ZNF438: variants seen among roughly 807,000 people sequenced by gnomAD.
ZNF438 encodes zinc finger protein 438.
ZNF438 carries 25 observed loss-of-function variants against 38.0 expected under a neutral mutation model. The ratio of observed to expected loss-of-function variants is 0.66; its 90% CI spans 0.48 to 0.92. The LOEUF (loss-of-function observed/expected upper bound fraction) is 0.92, where lower values mean the gene tolerates loss of function less well. Among genes scored for constraint, ZNF438 ranks in the 40% least tolerant of loss-of-function variants. The pLI is 0.00. For synonymous variants in ZNF438, 372 were observed against 364.1 expected (o/e 1.02, Z -0.25); for missense variants, 1,007 against 999.6 (o/e 1.01, Z -0.10).
chr10:30,885,457 AATGCTACT>A (rs1267898284), intron 3 of ZNF438, among the ~76,000 whole-genome samples: 1 of 152,198 alleles, frequency 6.6e-6, no homozygotes, highest in Non-Finnish European at 1.5e-5. Flanking sequence ...TTTTGCAACA[AATGCTACT>A]ATGTGCTAGA....
chr10:30,976,520 T>C (rs531987851), intron 1 of ZNF438, among the ~76,000 whole-genome samples: 1 of 152,278 alleles, frequency 6.6e-6, no homozygotes, highest in South Asian at 2.1e-4. Flanking sequence ...GCCAGAAGGA[T>C]CGCTTGAGGC....
At position 30,961,356 on chromosome 10, in the gene ZNF438, C is replaced by T. The variant is rs542352763; in HGVS notation, c.-191-19705G>A. On this transcript the variant is annotated intron_variant, in intron 1 of 5. Transcript: ENST00000413025. ...CTGGAGAACAGCGGCTATTCACAGGCATGATCATAGCGCACTATAGCCATG... is the reference window on the plus strand; with the variant it reads ...CTGGAGAACAGCGGCTATTCACAGGTATGATCATAGCGCACTATAGCCATG... 2.1e-5 allele frequency among the ~76,000 whole-genome samples: 3 copies of T among 145,858 alleles called. 1 individual carries two copies. The highest frequency in any genetic ancestry group is 4.7e-5 in the Non-Finnish European group (3 of 64,310).
intron 4 of ZNF438, chr10:30,857,758 A>G (rs1250953533): frequency 6.9e-7 from 1 of 1,455,642 alleles, no homozygotes; most frequent in Non-Finnish European, 9.2e-7. Flanking sequence ...CTCCTCCTCC[A>G]TTGCCATCAA....
Position 30,874,110 on chromosome 10 carries a change from GTGTGTATATATATATATATA to G in ZNF438, c.37+2868_37+2887del, listed in dbSNP as rs1226121893. On this transcript the variant is annotated intron_variant, in intron 4 of 5. Transcript: ENST00000413025. ...TACGTGTGGGTGTGTGGGGGTGTGT[GTGTGTATATATATATATATA>G]TATATATATATATATATATATATAT... Among the ~76,000 whole-genome samples the G allele has an allele frequency of 3.3e-3, 105 of 31,646 alleles. 1 individual carries two copies. Among genetic ancestry groups the G allele is most frequent in the Admixed American group, 5.1e-3 (13 of 2,562 alleles). The allele number at this position is 31,646 out of a possible 152,430, so 20.8% of individuals were successfully genotyped here.
chr10:30,893,993 A>T (rs537239657), intron 3 of ZNF438, among the ~76,000 whole-genome samples: 28 of 152,356 alleles, frequency 1.8e-4, no homozygotes, highest in African/African-American at 6.0e-4. Flanking sequence ...AACCACTCAA[A>T]TAATACTGTA....
chr10:30,925,676 T>A (rs2044830786), intron 2 of ZNF438, among the ~76,000 whole-genome samples: 1 of 152,180 alleles, frequency 6.6e-6, no homozygotes, highest in African/African-American at 2.4e-5. Flanking sequence ...CCCAATAGAA[T>A]GTCAGTGAGA....
intron 1 of ZNF438, among the ~76,000 whole-genome samples, chr10:30,951,595 T>C (rs9731134): frequency 0.4 from 60,914 of 151,926 alleles, 12,459 homozygotes; most frequent in Admixed American, 0.44. Context: ...AGCATTCTTA[T>C]ATACCAGCAA....
At chr10:30,978,903 T>C (rs1002868213) in intron 1 of ZNF438, among the ~76,000 whole-genome samples, 2 of 152,242 alleles carry the variant, frequency 1.3e-5, no homozygotes, top group African/African-American at 2.4e-5. Flanking sequence ...AAGCCAAGCA[T>C]TGACTCTCCC....
chr10:31,007,708 C>G (rs925375439), intron 1 of ZNF438, among the ~76,000 whole-genome samples: 2 of 151,946 alleles, frequency 1.3e-5, no homozygotes, highest in Non-Finnish European at 2.9e-5. Flanking sequence ...TATAAAGTAC[C>G]TAACAGAGAG....
intron 1 of ZNF438, among the ~76,000 whole-genome samples, chr10:31,010,922 A>AAGATTTT (rs1282251468): frequency 6.9e-6 from 1 of 144,452 alleles, no homozygotes; most frequent in African/African-American, 2.6e-5. Context: ...AAAAAAAAAA[A>AAGATTTT]GATTTTGTTG....
chr10:30,979,001 C>G (rs1414958382), intron 1 of ZNF438, among the ~76,000 whole-genome samples: 1 of 151,136 alleles, frequency 6.6e-6, no homozygotes, highest in Non-Finnish European at 1.5e-5. Flanking sequence ...TATGCTAGGG[C>G]CATGAATAAT....
intron 1 of ZNF438, among the ~76,000 whole-genome samples, chr10:30,956,205 C>A (rs950828180): frequency 6.6e-6 from 1 of 152,090 alleles, no homozygotes; most frequent in Non-Finnish European, 1.5e-5. Flanking sequence ...TGGTACTCTA[C>A]AGCAGTGATT....
intron 4 of ZNF438, among the ~76,000 whole-genome samples, chr10:30,854,368 A>T (rs1221588598): frequency 6.6e-6 from 1 of 152,228 alleles, no homozygotes; most frequent in Non-Finnish European, 1.5e-5. Context: ...CTTCCCTAGA[A>T]TTCCTAGAGG....
chr10:30,868,052 A>G (rs935350192), intron 4 of ZNF438, among the ~76,000 whole-genome samples: 1 of 151,104 alleles, frequency 6.6e-6, no homozygotes, highest in Non-Finnish European at 1.5e-5. Context: ...TTTTCAAAAA[A>G]CAGAGCAGTG....
intron 4 of ZNF438, among the ~76,000 whole-genome samples, chr10:30,867,673 G>A (rs1198047102): frequency 3.9e-5 from 6 of 152,098 alleles, no homozygotes; most frequent in African/African-American, 1.4e-4. Flanking sequence ...CGAGTGGGCA[G>A]GTTTGTGTGA....
intron 3 of ZNF438, among the ~76,000 whole-genome samples, chr10:30,890,083 CA>C (rs71863439): frequency 0.2 from 18,425 of 93,304 alleles, 483 homozygotes; most frequent in African/African-American, 0.24. Flanking sequence ...TTGGCATTTC[CA>C]AAAAAAAAAA....
At chr10:30,950,346 A>G (rs1174604514) in intron 1 of ZNF438, among the ~76,000 whole-genome samples, 1 of 150,380 alleles carries the variant, frequency 6.6e-6, no homozygotes, top group Non-Finnish European at 1.5e-5. Flanking sequence ...GAACTAGAAA[A>G]GCAAGAGCAA....
In ZNF438 at chr10:30,998,586, A is replaced by T. The variant is rs933766440; in HGVS notation, c.-192+33247T>A. On this transcript the variant is annotated intron_variant, in intron 1 of 5. Coordinates refer to ENST00000413025, the Ensembl canonical transcript of ZNF438. ...AAAAAAAAAAAAAAAAAAAAAAAAA[A>T]ATCAAGTATTACTAATGATAACAAT... is the stretch of plus-strand genomic sequence containing the variant. Among the ~76,000 whole-genome samples, 482 of 123,562 alleles carry T rather than the reference A, an allele frequency of 3.9e-3. 6 individuals carry two copies. The highest frequency in any genetic ancestry group is 0.014 in the African/African-American group (454 of 32,772). 81.1% of individuals were successfully genotyped at this position (123,562 alleles called of 152,430 possible).
At chr10:31,026,293 G>A (rs1280209305) in intron 1 of ZNF438, among the ~76,000 whole-genome samples, 2 of 152,172 alleles carry the variant, frequency 1.3e-5, no homozygotes, top group Admixed American at 6.5e-5. Flanking sequence ...ACCATAAAGA[G>A]TGAACAGGCA....
Sources: gnomAD v4.1 joint callset for allele counts (sites outside exome capture counted in the v4.1 genomes callset) on GRCh38, gnomAD v4.1.1 for gene constraint, MANE v1.5 for transcripts, NCBI Gene and HGNC (gene_info 2026-07-23, HGNC 2026-07-21) for gene names.